Variants in OPA1 observed in about 807,000 individuals in gnomAD.
OPA1 encodes the protein OPA1 mitochondrial dynamin like GTPase.
Under a neutral mutation model 152.9 loss-of-function variants are expected in OPA1, and 59 were observed. That is an observed-to-expected ratio of 0.39 (90% confidence interval 0.31 to 0.48). The LOEUF (loss-of-function observed/expected upper bound fraction) is 0.48, where lower values mean the gene tolerates loss of function less well. OPA1 is among the 20% of genes least tolerant of loss of function. The pLI is 0.96. For missense variants in OPA1, 1,008 were observed against 1,216.8 expected (o/e 0.83, Z 2.55); for synonymous variants, 400 against 389.9 (o/e 1.03, Z -0.31).
At chr3:193,684,254 C>A (rs561391623) in intron 29 of OPA1, among the ~76,000 whole-genome samples, 1 of 152,212 alleles carries the variant, frequency 6.6e-6, no homozygotes, top group Admixed American at 6.5e-5. Context: ...TCCAAACATA[C>A]AGCTATTTGG....
chr3:193,666,514 G>A (rs528542002), intron 28 of OPA1, 125 bp downstream of exon 28: 2 of 823,112 alleles, frequency 2.4e-6, no homozygotes, highest in South Asian at 1.5e-5. Context: ...CTGGCCAGGT[G>A]TGGTAGCTCA....
chr3:193,670,014 G>A (rs1319325457), intron 29 of OPA1, among the ~76,000 whole-genome samples: 1 of 152,170 alleles, frequency 6.6e-6, no homozygotes, highest in Non-Finnish European at 1.5e-5. Context: ...AGCTGCATCA[G>A]TCACCCTCAA....
chr3:193,646,318 ATAGT>A (rs550541297), intron 18 of OPA1, among the ~76,000 whole-genome samples: 2 of 152,348 alleles, frequency 1.3e-5, no homozygotes, highest in East Asian at 1.9e-4. Flanking sequence ...GTAAGTCAAG[ATAGT>A]TCTTGCAAAC....
Position 193,625,080 on chromosome 3 carries a change from G to C in OPA1, c.679-1012G>C, listed in dbSNP as rs538453996. 4.4e-4 allele frequency among the ~76,000 whole-genome samples: 67 copies of C among 151,986 alleles called. 1 individual carries two copies. Among genetic ancestry groups the C allele is most frequent in the Non-Finnish European group, 5.6e-4 (38 of 67,936 alleles). ...TTCTAATTAAGAAAACATTAGGCTT[G>C]TAACATTGTCAAATCTTGGTGGTCT... On this transcript the variant is annotated intron_variant, in intron 6 of 30. Transcript: ENST00000361510.
chr3:193,610,847 A>G (rs1270705574), intron 1 of OPA1, among the ~76,000 whole-genome samples: 4 of 152,198 alleles, frequency 2.6e-5, no homozygotes, highest in African/African-American at 9.6e-5. Context: ...GGCGCGGGAT[A>G]TAGTCTCCTG....
intron 21 of OPA1, 144 bp from the exon 22 acceptor site, chr3:193,654,718 G>T (rs144570261): frequency 2.0e-5 from 15 of 756,720 alleles, no homozygotes; most frequent in Non-Finnish European, 3.2e-5. Flanking sequence ...TGACTGGTGC[G>T]ATTTACAGGT....
chr3:193,693,041 T>G (rs1303763506), intron 30 of OPA1, among the ~76,000 whole-genome samples: 1 of 152,252 alleles, frequency 6.6e-6, no homozygotes, highest in Admixed American at 6.5e-5. Context: ...ACTTCAAATA[T>G]TTTGTCACTT....
At chr3:193,607,115 T>G (rs1415113225) in intron 1 of OPA1, among the ~76,000 whole-genome samples, 2 of 152,216 alleles carry the variant, frequency 1.3e-5, no homozygotes, top group African/African-American at 2.4e-5. Context: ...GATGGGGTTG[T>G]TTGTTTTTCT....
intron 29 of OPA1, among the ~76,000 whole-genome samples, chr3:193,676,790 C>T (rs1424819403): frequency 6.6e-6 from 1 of 152,046 alleles, no homozygotes; most frequent in South Asian, 2.1e-4. Flanking sequence ...ACCATCCTGG[C>T]TAACACAGTG....
chr3:193,623,586 T>C (rs1730542399), intron 6 of OPA1, among the ~76,000 whole-genome samples: 1 of 152,180 alleles, frequency 6.6e-6, no homozygotes, highest in Admixed American at 6.5e-5. Flanking sequence ...TCAGGAGATA[T>C]TAAGAGACTA....
At chr3:193,596,845 G>T (rs761004844) in intron 1 of OPA1, 1 of 152,156 alleles carries the variant, frequency 6.6e-6, no homozygotes, top group South Asian at 2.1e-4. Context: ...GGATCAGCAA[G>T]AACATAAAGA....
chr3:193,602,917 A>G (rs934089714), intron 1 of OPA1, among the ~76,000 whole-genome samples: 1 of 152,196 alleles, frequency 6.6e-6, no homozygotes, highest in Non-Finnish European at 1.5e-5. Context: ...CCTTTATCCA[A>G]CCAGAAAACA....
At chr3:193,662,034 C>T (rs1485382177) in intron 25 of OPA1, among the ~76,000 whole-genome samples, 1 of 151,948 alleles carries the variant, frequency 6.6e-6, no homozygotes, top group African/African-American at 2.4e-5. Context: ...CACTCAGTTT[C>T]GTAGCTGTGG....
intron 29 of OPA1, among the ~76,000 whole-genome samples, chr3:193,684,579 T>A (rs1012018768): frequency 4.6e-5 from 7 of 151,182 alleles, no homozygotes; most frequent in Non-Finnish European, 8.9e-5. Flanking sequence ...GCCTCCCAGG[T>A]AGCTGGGATT....
chr3:193,682,938 C>T (rs1441923381), intron 29 of OPA1, among the ~76,000 whole-genome samples: 1 of 151,840 alleles, frequency 6.6e-6, no homozygotes, highest in Non-Finnish European at 1.5e-5. Context: ...AAATACGTGT[C>T]TTAAGGCCCT....
At chr3:193,643,103 T>C in intron 13 of OPA1, 54 bp downstream of exon 13, 1 of 1,417,400 alleles carries the variant, frequency 7.1e-7, no homozygotes, top group Non-Finnish European at 9.9e-7. Context: ...ATGTTTATGA[T>C]TTCAAATAAA....
intron 30 of OPA1, 126 bp from the exon 31 acceptor site, chr3:193,694,480 G>A (rs1046412057): frequency 1.3e-5 from 2 of 152,152 alleles, no homozygotes; most frequent in African/African-American, 4.8e-5. Context: ...TATAAGTTTA[G>A]TAAAACTAGC....
intron 21 of OPA1, among the ~76,000 whole-genome samples, chr3:193,652,309 G>A (rs1712685089): frequency 1.3e-5 from 2 of 151,958 alleles, no homozygotes; most frequent in African/African-American, 2.4e-5. Context: ...TTGAACCCAG[G>A]AAGCGGAGGT....
At position 193,681,476 on chromosome 3, in the gene OPA1, T is replaced by G. The variant is rs1702717967; in HGVS notation, c.2984-10587T>G. Among the ~76,000 whole-genome samples, 3 of 152,196 alleles carry G rather than the reference T, an allele frequency of 2.0e-5. No individual in the cohort carries two copies. In the South Asian group the frequency reaches 6.2e-4, roughly 32 times the overall value. ...AAAAGGAAAATCCAGGCAAGTGAAATAAAGTAAACTTTCAGATAAAATTGG... is the reference window on the plus strand; with the variant it reads ...AAAAGGAAAATCCAGGCAAGTGAAAGAAAGTAAACTTTCAGATAAAATTGG... On this transcript the variant is annotated intron_variant, in intron 29 of 30. Transcript: ENST00000361510.
Sources: allele counts gnomAD v4.1 joint callset (sites outside exome capture counted in the v4.1 genomes callset), GRCh38; gene constraint gnomAD v4.1.1; transcripts MANE v1.5; gene names NCBI Gene and HGNC (gene_info 2026-07-23, HGNC 2026-07-21).